Variants in CIAPIN1 observed in about 807,000 individuals in gnomAD.
CIAPIN1 encodes the protein cytokine induced apoptosis inhibitor 1, also known as anamorsin.
In CIAPIN1, 18 loss-of-function variants were observed where a neutral mutation model predicts 34.3. The ratio of observed to expected loss-of-function variants is 0.52; its 90% confidence interval spans 0.36 to 0.78. The LOEUF (loss-of-function observed/expected upper bound fraction) is 0.78, where lower values mean the gene tolerates loss of function less well. Ranked by LOEUF, CIAPIN1 falls within the 30% of genes least tolerant of loss-of-function variation. CIAPIN1 has a pLI of 0.00. For synonymous variants in CIAPIN1, 131 were observed against 140.4 expected, an observed-to-expected ratio of 0.93 and a Z score of 0.47; for missense variants, 310 against 372.5, an observed-to-expected ratio of 0.83 and a Z score of 1.38.
Position 57,436,652 on chromosome 16 carries a change from G to T in CIAPIN1, c.387+4C>A. The T allele has an allele frequency of 6.2e-7, 1 of 1,610,494 alleles. No individual in the cohort carries two copies. The highest frequency in any genetic ancestry group is 8.5e-7 in the Non-Finnish European group (1 of 1,176,928). ...GCAGCAAAGAAAGTTGTCTACAAAC[G>T]TACCTCTTTCACTTCCACAAGACCA... On this transcript the variant is annotated splice_donor_region_variant and intron_variant, in intron 4 of 8. Coordinates refer to ENST00000394391, the MANE Select transcript of CIAPIN1 (RefSeq NM_020313.4).
chr16:57,444,006 C>T (rs187677369), intron 1 of CIAPIN1, among the ~76,000 whole-genome samples: 69 of 152,306 alleles, frequency 4.5e-4, no homozygotes, highest in African/African-American at 1.6e-3. Context: ...GAAAAAGACC[C>T]CACCTACTAG....
At chr16:57,435,707 T>C (rs188389029) in intron 4 of CIAPIN1, among the ~76,000 whole-genome samples, 39 of 152,236 alleles carry the variant, frequency 2.6e-4, no homozygotes, top group Admixed American at 8.5e-4. Flanking sequence ...GGCAGGAGAA[T>C]TGCTTGAACC....
At chr16:57,433,946 C>T in intron 5 of CIAPIN1, 98 bp downstream of exon 5, 1 of 1,083,664 alleles carries the variant, frequency 9.2e-7, no homozygotes, top group Non-Finnish European at 1.4e-6. Flanking sequence ...AAGGACTAAT[C>T]CTCTAAAAAT....
Position 57,428,209 on chromosome 16 carries a change from C to G in CIAPIN1, c.*961G>C, listed in dbSNP as rs1185112564. On this transcript the variant is annotated 3_prime_UTR_variant, in exon 9 of 9. Transcript: ENST00000394391. ...AGATATCAATGAAAACTTTTATTTA[C>G]TGGTAAAATATAAAAATCCAGGTCT... is the stretch of plus-strand genomic sequence containing the variant. The G allele has an allele frequency of 6.6e-6, 1 of 152,180 alleles. No individual in the cohort carries two copies. Among genetic ancestry groups the G allele is most frequent in the African/African-American group, 2.4e-5 (1 of 41,440 alleles). 9.4% of individuals were successfully genotyped at this position (152,180 alleles called of 1,614,324 possible).
rs1174413623 is a variant in CIAPIN1 at position 57,439,315 on chromosome 16, G to C, written c.177C>G (p.Ser59Arg). 12 of 1,614,150 alleles carry C rather than the reference G, an allele frequency of 7.4e-6. 1 individual carries two copies. Among genetic ancestry groups the C allele is most frequent in the Non-Finnish European group, 8.5e-6 (10 of 1,180,022 alleles). ...CTAAACCTGACAAAATAATGTCAAA[G>C]CTGGATTCTTTGTGGGCAGCTGAAA... is the stretch of plus-strand genomic sequence containing the variant. ...QLLQSAHKES[S>R]FDIILSGLVP... The change falls in exon 3 of 9, where the codon AGC becomes AGG. Residue 59 changes from serine (S) to arginine (R), a missense_variant. Coordinates refer to ENST00000394391, the MANE Select transcript of CIAPIN1 (RefSeq NM_020313.4).
intron 4 of CIAPIN1, among the ~76,000 whole-genome samples, chr16:57,435,966 G>A (rs1436649482): frequency 5.3e-5 from 8 of 152,186 alleles, no homozygotes; most frequent in African/African-American, 1.9e-4. Flanking sequence ...CATTTCCACT[G>A]AATTGTCAGA....
In CIAPIN1 at chr16:57,440,990, A is replaced by G; in HGVS notation, c.-55-7T>C. The G allele has an allele frequency of 6.5e-7, 1 of 1,537,508 alleles. No homozygotes were observed. On this transcript the variant is annotated splice_polypyrimidine_tract_variant and splice_region_variant and intron_variant, in intron 1 of 8. Coordinates refer to ENST00000394391, the MANE Select transcript of CIAPIN1 (RefSeq NM_020313.4). ...GGCCAAAAGGGAATCAAGACTGGGC[A>G]GAGACAAAGTGCAATTTAATCTGTG...
intron 4 of CIAPIN1, among the ~76,000 whole-genome samples, chr16:57,434,638 G>C (rs1903160213): frequency 6.6e-6 from 1 of 152,000 alleles, no homozygotes. Context: ...AGAGAGTAAA[G>C]GTAGAAAAAA....
chr16:57,428,934 G>A lies in CIAPIN1; in HGVS notation c.*236C>T. ...ACACACTCCCTTCTCTTAACATGAG[G>A]TGAAGAAACCCATCCCATTCTGAAA... is the stretch of plus-strand genomic sequence containing the variant. On this transcript the variant is annotated 3_prime_UTR_variant, in exon 9 of 9. Transcript: ENST00000394391. 2.1e-6 allele frequency: 1 copy of A among 469,970 alleles called. No individual in the cohort carries two copies. The highest frequency in any genetic ancestry group is 3.8e-6 in the Non-Finnish European group (1 of 260,560). 29.1% of individuals were successfully genotyped at this position (469,970 alleles called of 1,614,324 possible). A position where few individuals can be genotyped will look rare whatever the true frequency, so the allele number is the denominator to read the frequency against.
intron 4 of CIAPIN1, among the ~76,000 whole-genome samples, chr16:57,435,415 T>C (rs1903177483): frequency 6.6e-6 from 1 of 152,220 alleles, no homozygotes; most frequent in South Asian, 2.1e-4. Context: ...AATGGCCTAA[T>C]ACACATTCCT....
chr16:57,430,749 T>C (rs534529541), intron 7 of CIAPIN1: 22 of 239,792 alleles, frequency 9.2e-5, no homozygotes, highest in Middle Eastern at 1.5e-3. Flanking sequence ...ACATCACTGA[T>C]TAACTTTCTA....
At position 57,440,821 on chromosome 16, in the gene CIAPIN1, G is replaced by A. The variant is rs372506959; in HGVS notation, c.108C>T (p.Thr36=). ...KGLVDKLQAL[T]GNEGRVSVEN... ...CCACAGACACGCGGCCCTCATTGCC[G>A]GTTAACGCTTGAAGCTTATCCACCA... Residue 36 remains threonine (T), a synonymous_variant, in exon 2 of 9, where the codon ACC becomes ACT. Coordinates refer to ENST00000394391, the MANE Select transcript of CIAPIN1 (RefSeq NM_020313.4). 7.8e-5 allele frequency: 126 copies of A among 1,613,828 alleles called. No individual in the cohort carries two copies. The East Asian group carries it at 8.2e-4, about 11-fold the overall frequency.
At chr16:57,431,071 A>C in intron 7 of CIAPIN1, 80 bp downstream of exon 7, 8 of 759,856 alleles carry the variant, frequency 1.1e-5, no homozygotes, top group Non-Finnish European at 1.8e-5. Context: ...GTATGTTCTA[A>C]AAATAGTACA....
rs548083325 is a variant in CIAPIN1, at chr16:57,429,265, C to T, written c.844G>A (p.Ala282Thr). ...TAGGGGCAGCTGGCACAGCGGAAGG[C>T]ATCGCCCAGGTAGCACTGGAGAGAG... The part of the protein sequence containing the change: ...SACGNCYLGD[A>T]FRCASCPYLG... The change falls in exon 9 of 9, where the codon GCC (alanine) becomes ACC (threonine). Residue 282 changes from alanine (A) to threonine (T), a missense_variant. Transcript: ENST00000394391. The T allele has an allele frequency of 6.2e-7, 1 of 1,613,838 alleles. No individual in the cohort carries two copies. The highest frequency in any genetic ancestry group is 8.5e-7 in the Non-Finnish European group (1 of 1,179,782).
chr16:57,433,957 A>T, intron 5 of CIAPIN1, 87 bp downstream of exon 5: 1 of 1,176,640 alleles, frequency 8.5e-7, no homozygotes, highest in Non-Finnish European at 1.3e-6. Flanking sequence ...CTCTAAAAAT[A>T]TCACCATCTC....
rs774214634 is a variant in CIAPIN1 at position 57,431,122 on chromosome 16, T to C, written c.746+29A>G. 6 of 1,377,796 alleles carry C rather than the reference T, an allele frequency of 4.4e-6. No individual in the cohort carries two copies. In the East Asian group the frequency reaches 6.9e-5, roughly 16 times the overall value. 85.3% of individuals were successfully genotyped at this position (1,377,796 alleles called of 1,614,324 possible). On this transcript the variant is annotated intron_variant, in intron 7 of 8. Transcript: ENST00000394391. Reference sequence around the variant, plus strand: ...CAGCATGAAGCCACTGGAGGCAGCATGGCAGGCTCCAGTCACCCCAGCACT... The same window carrying C: ...CAGCATGAAGCCACTGGAGGCAGCACGGCAGGCTCCAGTCACCCCAGCACT...
chr16:57,429,427 A>G (rs1211009118), intron 8 of CIAPIN1, 147 bp from the exon 9 acceptor site: 1 of 604,238 alleles, frequency 1.7e-6, no homozygotes, highest in Admixed American at 3.0e-5. Context: ...AAATACTAAG[A>G]GTTTTCAAGA....
intron 1 of CIAPIN1, among the ~76,000 whole-genome samples, chr16:57,443,695 C>A (rs1391014970): frequency 6.6e-6 from 1 of 152,184 alleles, no homozygotes; most frequent in African/African-American, 2.4e-5. Context: ...AAGTGATCTG[C>A]CCACCTCGGC....
chr16:57,440,737 C>T, intron 2 of CIAPIN1, 35 bp downstream of exon 2: 1 of 1,581,434 alleles, frequency 6.3e-7, no homozygotes, highest in Non-Finnish European at 8.6e-7. Flanking sequence ...GGAAACCCCT[C>T]CAGCCTCATA....
Sources: gnomAD v4.1 joint callset for allele counts (sites outside exome capture counted in the v4.1 genomes callset) on GRCh38, gnomAD v4.1.1 for gene constraint, MANE v1.5 for transcripts, NCBI Gene and HGNC (gene_info 2026-07-23, HGNC 2026-07-21) for gene names.